Variants in TSACC observed in about 807,000 individuals in gnomAD.
TSACC encodes TSSK6-activating co-chaperone protein.
In TSACC, 3 loss-of-function variants were observed where a neutral mutation model predicts 6.9. That is an observed-to-expected ratio of 0.43 (90% confidence interval 0.20 to 1.12). The LOEUF (loss-of-function observed/expected upper bound fraction) is 1.12, where lower values mean the gene tolerates loss of function less well. Ranked by LOEUF, TSACC falls within the 50% of genes most tolerant of loss-of-function variation. TSACC has a pLI of 0.28. For synonymous variants in TSACC, 54 were observed against 55.1 expected, an observed-to-expected ratio of 0.98 and a Z score of 0.09; for missense variants, 137 against 143.9, an observed-to-expected ratio of 0.95 and a Z score of 0.24.
intron 2 of TSACC, among the ~76,000 whole-genome samples, chr1:156,341,085 G>A (rs560827501): frequency 4.9e-4 from 75 of 152,184 alleles, no homozygotes; most frequent in Non-Finnish European, 9.0e-4. Context: ...CCAAAGTCCT[G>A]GGATTACAGG....
chr1:156,343,546 C>G (rs1319282876), intron 2 of TSACC, among the ~76,000 whole-genome samples: 4 of 152,152 alleles, frequency 2.6e-5, no homozygotes, highest in African/African-American at 4.8e-5. Flanking sequence ...GACACAGAAT[C>G]CATATATTGA....
upstream of TSACC, chr1:156,338,483 C>T (rs568497253): frequency 4.6e-5 from 24 of 526,852 alleles, no homozygotes; most frequent in Non-Finnish European, 7.8e-5. Context: ...CCGCTCCCGG[C>T]CGCGTGCAGC....
chr1:156,340,534 TCA>T (rs897389225), intron 2 of TSACC, among the ~76,000 whole-genome samples: 1 of 145,834 alleles, frequency 6.9e-6, no homozygotes, highest in African/African-American at 2.5e-5. Flanking sequence ...CTACCTTGGC[TCA>T]CCGCAACCTC....
chr1:156,339,929 T>C (rs1450240790), intron 2 of TSACC, 138 bp downstream of exon 2: 9 of 846,122 alleles, frequency 1.1e-5, no homozygotes, highest in Middle Eastern at 2.6e-4. Flanking sequence ...AATTATTTGT[T>C]AAATGAATTT....
chr1:156,338,274 C>G, upstream of TSACC: 2 of 1,373,552 alleles, frequency 1.5e-6, no homozygotes, highest in Non-Finnish European at 1.0e-6. Flanking sequence ...CCAGAAAACG[C>G]TGCCTCCTCA....
upstream of TSACC, chr1:156,338,205 G>A: frequency 1.2e-5 from 19 of 1,583,006 alleles, no homozygotes; most frequent in East Asian, 2.3e-5. Flanking sequence ...TGCAGAGCCG[G>A]GTACCCAGAG....
intron 2 of TSACC, among the ~76,000 whole-genome samples, chr1:156,344,211 A>C (rs1666043303): frequency 6.6e-6 from 1 of 152,242 alleles, no homozygotes; most frequent in East Asian, 1.9e-4. Context: ...ACTCAGACTC[A>C]TTGTTTATGT....
chr1:156,339,694 A>C lies in TSACC; in HGVS notation c.-64A>C, dbSNP rs1665742858. ...GGAAATTATCATAGTGAAAATACTAACATGGATTGTTGATCATCTGATGCT... is the reference window on the plus strand; with the variant it reads ...GGAAATTATCATAGTGAAAATACTACCATGGATTGTTGATCATCTGATGCT... On this transcript the variant is annotated 5_prime_UTR_variant, in exon 2 of 4. Transcript: ENST00000368254. 1.1e-5 allele frequency: 18 copies of C among 1,602,800 alleles called. No individual in the cohort carries two copies. The highest frequency in any genetic ancestry group is 1.5e-5 in the Non-Finnish European group (18 of 1,170,792).
intron 3 of TSACC, among the ~76,000 whole-genome samples, chr1:156,346,206 A>G (rs893663714): frequency 3.2e-4 from 48 of 151,924 alleles, no homozygotes; most frequent in Non-Finnish European, 2.6e-4. Context: ...AAAAAAAAAA[A>G]AAAAAGAAAA....
intron 2 of TSACC, among the ~76,000 whole-genome samples, chr1:156,340,392 C>T (rs976845243): frequency 6.6e-6 from 1 of 151,892 alleles, no homozygotes; most frequent in Non-Finnish European, 1.5e-5. Flanking sequence ...ATCTCCTGAC[C>T]TTGTGATCCA....
At chr1:156,338,416 A>C (rs1665567054), upstream of TSACC, 2 of 580,970 alleles carry the variant, frequency 3.4e-6, no homozygotes, top group Admixed American at 6.0e-5. Flanking sequence ...GACAAGTTAG[A>C]CAGAGAGCGC....
At chr1:156,339,542 C>A in intron 1 of TSACC, 92 bp from the exon 2 acceptor site, 1 of 508,908 alleles carries the variant, frequency 2.0e-6, no homozygotes, top group South Asian at 3.2e-5. Flanking sequence ...AACTGTTTTC[C>A]AAACTAGTGA....
In TSACC at chr1:156,344,726, G is replaced by T. The variant is rs762408540; in HGVS notation, c.163+18G>T. 9 of 1,612,476 alleles carry T rather than the reference G, an allele frequency of 5.6e-6. No homozygotes were observed. In the South Asian group the frequency reaches 9.9e-5, roughly 18 times the overall value. ...GCCCTCGGGTAAGGATGTAGGGAGG[G>T]TTTTCTAATGGACTCAACAGGGGGA... On this transcript the variant is annotated intron_variant, in intron 3 of 3. Transcript: ENST00000368254.
At chr1:156,343,115 C>A (rs568474806) in intron 2 of TSACC, among the ~76,000 whole-genome samples, 5 of 152,282 alleles carry the variant, frequency 3.3e-5, no homozygotes, top group African/African-American at 1.2e-4. Context: ...GGCAGTTTGA[C>A]CTTTCACTTG....
intron 3 of TSACC, 21 bp from the exon 4 acceptor site, chr1:156,346,747 C>G (rs1466839058): frequency 6.2e-7 from 1 of 1,611,246 alleles, no homozygotes; most frequent in Non-Finnish European, 8.5e-7. Flanking sequence ...CCTTGCACCT[C>G]CGTTGCTTTT....
At chr1:156,342,489 C>G (rs983426296) in intron 2 of TSACC, among the ~76,000 whole-genome samples, 1 of 152,262 alleles carries the variant, frequency 6.6e-6, no homozygotes, top group Non-Finnish European at 1.5e-5. Flanking sequence ...TCTTACCAGG[C>G]CATTCCTTCT....
chr1:156,344,692 A>G lies in TSACC; in HGVS notation c.147A>G (p.Thr49=). The change falls in exon 3 of 4, where the codon ACA becomes ACG. Residue 49 remains threonine, a synonymous_variant. Transcript: ENST00000368254. ...CAGCCACTTTTCTGAACATCCAGAC[A>G]ACAAAGCTGCCCTCGGGTAAGGATG... ...SPPATFLNIQ[T]TKLPSVDHKP... The G allele has an allele frequency of 6.2e-7, 1 of 1,614,128 alleles. No individual in the cohort carries two copies. The highest frequency in any genetic ancestry group is 1.3e-5 in the African/African-American group (1 of 75,056).
At chr1:156,346,133 G>T (rs1404998709) in intron 3 of TSACC, among the ~76,000 whole-genome samples, 1 of 149,916 alleles carries the variant, frequency 6.7e-6, no homozygotes, top group Non-Finnish European at 1.5e-5. Context: ...GGTGGAGGTT[G>T]CAGTGAGCTG....
intron 2 of TSACC, 141 bp from the exon 3 acceptor site, chr1:156,344,439 T>G (rs1486585365): frequency 7.8e-7 from 1 of 1,277,178 alleles, no homozygotes; most frequent in Non-Finnish European, 1.1e-6. Context: ...ATGATTTCTT[T>G]TTTGTCTTAT....
Sources: allele counts gnomAD v4.1 joint callset (sites outside exome capture counted in the v4.1 genomes callset), GRCh38; gene constraint gnomAD v4.1.1; transcripts MANE v1.5; gene names NCBI Gene and HGNC (gene_info 2026-07-23, HGNC 2026-07-21).